The following CASR variants were observed in gnomAD, a reference collection of about 807,000 sequenced individuals.
The protein encoded by CASR is calcium sensing receptor.
Under a neutral mutation model 69.1 loss-of-function variants are expected in CASR, and 23 were observed. That is an observed-to-expected ratio of 0.33 (90% confidence interval 0.24 to 0.47). CASR has a LOEUF of 0.47. Among genes scored for constraint, CASR ranks in the 20% least tolerant of loss-of-function variants. The pLI, the probability that CASR is intolerant of heterozygous loss-of-function variation, is 1.00. For synonymous variants in CASR, 541 were observed against 544.7 expected, an observed-to-expected ratio of 0.99 and a Z score of 0.10; for missense variants, 924 against 1,356.1, an observed-to-expected ratio of 0.68 and a Z score of 5.00.
At chr3:122,197,787 C>A (rs2073904456) in intron 1 of CASR, among the ~76,000 whole-genome samples, 1 of 152,172 alleles carries the variant, frequency 6.6e-6, no homozygotes, top group Non-Finnish European at 1.5e-5. Context: ...GCTTTTCTTT[C>A]TGCTGTCATC....
chr3:122,242,642 A>G (rs2074389158), intron 1 of CASR, among the ~76,000 whole-genome samples: 2 of 152,314 alleles, frequency 1.3e-5, no homozygotes, highest in Non-Finnish European at 1.5e-5. Flanking sequence ...TCAAAATACC[A>G]ATAACATTCT....
intron 2 of CASR, among the ~76,000 whole-genome samples, chr3:122,254,713 A>C (rs1268593493): frequency 6.6e-6 from 1 of 152,212 alleles, no homozygotes; most frequent in South Asian, 2.1e-4. Flanking sequence ...CAGGTCTTGC[A>C]AACCTGAGTA....
In CASR at chr3:122,283,728, A is replaced by G. The variant is rs2074921447; in HGVS notation, c.1774A>G (p.Asn592Asp). 5 of 1,614,042 alleles carry G rather than the reference A, an allele frequency of 3.1e-6. No homozygotes were observed. Among genetic ancestry groups the G allele is most frequent in the African/African-American group, 1.3e-5 (1 of 74,930 alleles). ...CAAGTGCCCAGATGACTTCTGGTCC[A>G]ATGAGAACCACACCTCCTGCATTGC... ...CNKCPDDFWS[N>D]ENHTSCIAKE... The change falls in exon 7 of 7, where the codon AAT becomes GAT. Residue 592 changes from asparagine to aspartate, a missense_variant. Physicochemically the swap from Asn to Asp is conservative, Grantham distance 23 (BLOSUM62 1). This residue lies in a region of CASR where 18 missense variants were observed against 57.9 expected (regional missense o/e 0.31). Coordinates refer to ENST00000639785, the MANE Select transcript of CASR (RefSeq NM_000388.4).
intron 4 of CASR, 98 bp from the exon 5 acceptor site, chr3:122,275,714 G>A: frequency 1.2e-6 from 1 of 839,598 alleles, no homozygotes. Flanking sequence ...CACTTTGTTG[G>A]AACAAGATAG....
At chr3:122,282,465 T>C (rs953470012) in intron 6 of CASR, among the ~76,000 whole-genome samples, 5 of 152,386 alleles carry the variant, frequency 3.3e-5, no homozygotes, top group South Asian at 4.1e-4. Flanking sequence ...CACATCTTTC[T>C]CTTACTTCAT....
chr3:122,254,470 A>G (rs2074533210), intron 2 of CASR, 96 bp downstream of exon 2: 3 of 1,261,620 alleles, frequency 2.4e-6, no homozygotes, highest in East Asian at 2.4e-5. Flanking sequence ...ACTTTGTCCT[A>G]TCTTTTCAAG....
At chr3:122,250,130 TG>T (rs1486144943) in intron 1 of CASR, among the ~76,000 whole-genome samples, 1 of 152,050 alleles carries the variant, frequency 6.6e-6, no homozygotes, top group Non-Finnish European at 1.5e-5. Flanking sequence ...ACGAAGGCAC[TG>T]GCCACAGGAG....
chr3:122,255,792 A>G lies in CASR; in HGVS notation c.186-1289A>G, dbSNP rs547738417. Among the ~76,000 whole-genome samples, 10 of 152,388 alleles carry G rather than the reference A, an allele frequency of 6.6e-5. No homozygotes were observed. In the South Asian group the frequency reaches 1.2e-3, roughly 19 times the overall value. On this transcript the variant is annotated intron_variant, in intron 2 of 6. Coordinates refer to ENST00000639785, the MANE Select transcript of CASR (RefSeq NM_000388.4). ...AGAAAATGGTAACAGAAAACATCAC[A>G]TTAAAAGTTAGACCAAGAGCTTAGG...
intron 1 of CASR, among the ~76,000 whole-genome samples, chr3:122,202,455 ATGGGGAGAGGGAGAGGGAGACCG>A (rs1559936392): frequency 2.1e-5 from 3 of 144,632 alleles, no homozygotes; most frequent in African/African-American, 5.2e-5. Context: ...GAGGGAGACC[ATGGGGAGAGGGAGAGGGAGACCG>A]TGGGGAGAGG....
At chr3:122,214,624 T>G (rs907006656) in intron 1 of CASR, among the ~76,000 whole-genome samples, 1 of 152,202 alleles carries the variant, frequency 6.6e-6, no homozygotes, top group African/African-American at 2.4e-5. Context: ...GTACTACTAT[T>G]CAGGTAAACT....
At chr3:122,263,799 A>T (rs1480211659) in intron 4 of CASR, among the ~76,000 whole-genome samples, 1 of 152,186 alleles carries the variant, frequency 6.6e-6, no homozygotes, top group Non-Finnish European at 1.5e-5. Context: ...TACCTTGCCA[A>T]GATAGAGGTG....
At chr3:122,215,550 A>G (rs1164373250) in intron 1 of CASR, among the ~76,000 whole-genome samples, 4 of 152,212 alleles carry the variant, frequency 2.6e-5, no homozygotes, top group Non-Finnish European at 5.9e-5. Context: ...CACAAATTTA[A>G]AGGTTTTTTT....
intron 4 of CASR, among the ~76,000 whole-genome samples, chr3:122,273,554 C>T (rs902269872): frequency 6.6e-6 from 1 of 152,164 alleles, no homozygotes; most frequent in Non-Finnish European, 1.5e-5. Flanking sequence ...AGTGGAAACT[C>T]TATGATTAGG....
In CASR at chr3:122,204,388, C is replaced by T. The variant is rs140733832; in HGVS notation, c.-243+20576C>T. The stretch of plus-strand genomic sequence containing the variant: ...CTATAATGATCTCTAGTTCCATCCA[C>T]GTTACAATAAATGACAGGACTTCAT... On this transcript the variant is annotated intron_variant, in intron 1 of 6. Transcript: ENST00000639785. Among the ~76,000 whole-genome samples, 881 of 152,212 alleles carry T rather than the reference C, an allele frequency of 5.8e-3. 12 individuals carry two copies. Among genetic ancestry groups the T allele is most frequent in the African/African-American group, 0.02 (821 of 41,546 alleles).
intron 1 of CASR, among the ~76,000 whole-genome samples, chr3:122,228,322 T>A (rs2074245854): frequency 6.6e-6 from 1 of 152,246 alleles, no homozygotes; most frequent in Non-Finnish European, 1.5e-5. Flanking sequence ...TTTTTTAATT[T>A]ATTTAAATTA....
At chr3:122,198,971 G>C (rs2073916541) in intron 1 of CASR, among the ~76,000 whole-genome samples, 1 of 152,058 alleles carries the variant, frequency 6.6e-6, no homozygotes, top group Non-Finnish European at 1.5e-5. Context: ...CTTTCCTCCA[G>C]AGAAGTAATC....
intron 4 of CASR, among the ~76,000 whole-genome samples, chr3:122,273,345 G>A (rs759724757): frequency 2.6e-5 from 4 of 152,140 alleles, no homozygotes; most frequent in South Asian, 2.1e-4. Context: ...CTATGCCTCC[G>A]TTTCATCATC....
chr3:122,242,090 A>C (rs553606686), intron 1 of CASR, among the ~76,000 whole-genome samples: 1 of 152,242 alleles, frequency 6.6e-6, no homozygotes, highest in East Asian at 1.9e-4. Context: ...TTGTGAAAAA[A>C]ATCTGGAAGC....
chr3:122,260,567 C>T (rs749537781), intron 3 of CASR, among the ~76,000 whole-genome samples: 4 of 152,124 alleles, frequency 2.6e-5, no homozygotes, highest in Non-Finnish European at 4.4e-5. Context: ...CTTCACAATG[C>T]GACCTTCAAA....
Sources: gnomAD v4.1 joint callset for allele counts (sites outside exome capture counted in the v4.1 genomes callset) on GRCh38, gnomAD v4.1.1 for gene constraint, gnomAD v4.1.1 regional missense constraint, MANE v1.5 for transcripts, NCBI Gene and HGNC (gene_info 2026-07-23, HGNC 2026-07-21) for gene names.